BCR: variants seen among roughly 807,000 people sequenced by gnomAD.
BCR encodes the protein BCR activator of RhoGEF and GTPase.
Under a neutral mutation model 138.6 loss-of-function variants are expected in BCR, and 58 were observed. That is an observed-to-expected ratio of 0.42 (90% CI 0.34 to 0.52). BCR has a LOEUF of 0.52. BCR is among the 20% of genes least tolerant of loss of function. BCR has a pLI of 0.06. For missense variants in BCR, 1,599 were observed against 1,727.2 expected (o/e 0.93, Z 1.32); for synonymous variants, 786 against 730.1 (o/e 1.08, Z -1.23).
At chr22:23,313,902 G>A in intron 20 of BCR, 66 bp from the exon 21 acceptor site, 4 of 1,305,764 alleles carry the variant, frequency 3.1e-6, no homozygotes, top group Non-Finnish European at 4.4e-6. Flanking sequence ...GGTGCTCCAT[G>A]TGAACACCTC....
At chr22:23,192,587 T>C (rs537558649) in intron 1 of BCR, among the ~76,000 whole-genome samples, 1 of 152,206 alleles carries the variant, frequency 6.6e-6, no homozygotes. Context: ...ATGTTTCCCC[T>C]CTCATTTTGC....
At chr22:23,239,539 A>G (rs1227538677) in intron 1 of BCR, among the ~76,000 whole-genome samples, 1 of 152,058 alleles carries the variant, frequency 6.6e-6, no homozygotes, top group Non-Finnish European at 1.5e-5. Context: ...TGGCAGTGAT[A>G]TGGGTGTTGT....
chr22:23,297,250 T>C (rs564597503), intron 16 of BCR, among the ~76,000 whole-genome samples: 1 of 148,594 alleles, frequency 6.7e-6, no homozygotes, highest in Non-Finnish European at 1.5e-5. Context: ...AGACAGAGTT[T>C]TGCTCTTGTT....
intron 1 of BCR, among the ~76,000 whole-genome samples, chr22:23,221,440 T>C (rs75113627): frequency 0.034 from 5,106 of 152,276 alleles, 279 homozygotes; most frequent in African/African-American, 0.11. Context: ...CTTCCTGTCT[T>C]CCCATGCACC....
chr22:23,301,490 TC>T (rs1447238557), intron 16 of BCR, among the ~76,000 whole-genome samples: 1 of 152,166 alleles, frequency 6.6e-6, no homozygotes, highest in Non-Finnish European at 1.5e-5. Flanking sequence ...CAGCAATGTG[TC>T]CCATACCCCG....
At chr22:23,218,432 C>G (rs1242798225) in intron 1 of BCR, among the ~76,000 whole-genome samples, 1 of 152,214 alleles carries the variant, frequency 6.6e-6, no homozygotes, top group Admixed American at 6.5e-5. Flanking sequence ...GCAGGTAAAG[C>G]TGGTGGAAGC....
At chr22:23,204,170 C>T (rs533753204) in intron 1 of BCR, among the ~76,000 whole-genome samples, 1 of 152,222 alleles carries the variant, frequency 6.6e-6, no homozygotes, top group African/African-American at 2.4e-5. Flanking sequence ...TATTTTCCAG[C>T]GCTCACAACT....
At chr22:23,306,449 G>A (rs1471057767) in intron 16 of BCR, among the ~76,000 whole-genome samples, 1 of 152,212 alleles carries the variant, frequency 6.6e-6, no homozygotes, top group African/African-American at 2.4e-5. Context: ...TGGACAGTCT[G>A]GATTGCTTCC....
At chr22:23,209,002 C>A (rs2072649359) in intron 1 of BCR, among the ~76,000 whole-genome samples, 1 of 152,156 alleles carries the variant, frequency 6.6e-6, no homozygotes, top group Non-Finnish European at 1.5e-5. Context: ...GTCTTTTGTT[C>A]CTGGCTTATT....
intron 1 of BCR, among the ~76,000 whole-genome samples, chr22:23,189,920 T>C (rs979153137): frequency 1.3e-5 from 2 of 152,342 alleles, no homozygotes; most frequent in African/African-American, 4.8e-5. Context: ...CCCTTAGCTT[T>C]GAAGTGGCCC....
At chr22:23,307,239 G>A (rs1333060824) in intron 16 of BCR, among the ~76,000 whole-genome samples, 1 of 152,108 alleles carries the variant, frequency 6.6e-6, no homozygotes, top group African/African-American at 2.4e-5. Context: ...GGGACTGCAG[G>A]CACATGCCAC....
intron 8 of BCR, among the ~76,000 whole-genome samples, chr22:23,277,573 G>T (rs764894875): frequency 2.6e-5 from 4 of 152,152 alleles, no homozygotes; most frequent in Non-Finnish European, 5.9e-5. Context: ...GTCTTCCCTG[G>T]CATTTGATGT....
intron 16 of BCR, among the ~76,000 whole-genome samples, chr22:23,300,980 G>A (rs2073896500): frequency 6.6e-6 from 1 of 152,252 alleles, no homozygotes; most frequent in African/African-American, 2.4e-5. Flanking sequence ...TGCCCTCTAA[G>A]GAGAATAGAC....
chr22:23,193,030 C>G (rs2072434463), intron 1 of BCR, among the ~76,000 whole-genome samples: 2 of 152,100 alleles, frequency 1.3e-5, no homozygotes, highest in Admixed American at 1.3e-4. Flanking sequence ...CCAGGCAGAG[C>G]AAGGAATTGA....
chr22:23,218,982 G>A (rs1044156996), intron 1 of BCR, among the ~76,000 whole-genome samples: 4 of 151,186 alleles, frequency 2.6e-5, no homozygotes, highest in Non-Finnish European at 5.9e-5. Context: ...TGCCGGGTGA[G>A]GAGGTGGCTG....
chr22:23,276,295 A>G (rs1366063658), intron 8 of BCR, among the ~76,000 whole-genome samples: 1 of 151,792 alleles, frequency 6.6e-6, no homozygotes, highest in Non-Finnish European at 1.5e-5. Context: ...GCTACTCAGG[A>G]GGCTGAGGCA....
At chr22:23,287,123 G>A in intron 10 of BCR, 36 bp from the exon 11 acceptor site, 1 of 1,565,918 alleles carries the variant, frequency 6.4e-7, no homozygotes, top group Non-Finnish European at 8.7e-7. Flanking sequence ...GTGGAGCGCT[G>A]GAATGGGAAG....
chr22:23,206,438 G>C (rs771362127), intron 1 of BCR, among the ~76,000 whole-genome samples: 1 of 151,990 alleles, frequency 6.6e-6, no homozygotes. Context: ...GTAGCCGGGC[G>C]TGGTGGCGGG....
At chr22:23,216,953 G>C (rs1033412197) in intron 1 of BCR, 2 of 404,480 alleles carry the variant, frequency 4.9e-6, no homozygotes, top group Admixed American at 2.8e-5. Flanking sequence ...TGTTGGTACA[G>C]TGTGTCGCAA....
Sources: gnomAD v4.1 joint callset for allele counts (sites outside exome capture counted in the v4.1 genomes callset) on GRCh38, gnomAD v4.1.1 for gene constraint, MANE v1.5 for transcripts, NCBI Gene and HGNC (gene_info 2026-07-23, HGNC 2026-07-21) for gene names.